The following RGL1 variants were observed in gnomAD, a reference collection of about 807,000 sequenced individuals.
RGL1 encodes ral guanine nucleotide dissociation stimulator-like 1.
In RGL1, 24 loss-of-function variants were observed where a neutral mutation model predicts 95.2. The observed-to-expected ratio is 0.25, with a 90% CI of 0.18 to 0.35. RGL1 has a LOEUF of 0.35. Ranked by LOEUF, RGL1 falls within the 10% of genes least tolerant of loss-of-function variation. The pLI, the probability that RGL1 is intolerant of heterozygous loss-of-function variation, is 1.00. For missense variants in RGL1, 715 were observed against 936.3 expected, an observed-to-expected ratio of 0.76 and a Z score of 3.08; for synonymous variants, 329 against 344.9, an observed-to-expected ratio of 0.95 and a Z score of 0.51.
At chr1:183,735,659 A>G (rs1255292519) in intron 1 of RGL1, among the ~76,000 whole-genome samples, 1 of 152,178 alleles carries the variant, frequency 6.6e-6, no homozygotes, top group Non-Finnish European at 1.5e-5. Context: ...CTCCTAGTAC[A>G]TTGACTCATA....
chr1:183,691,999 A>G (rs150726126), intron 1 of RGL1, among the ~76,000 whole-genome samples: 194 of 151,350 alleles, frequency 1.3e-3, no homozygotes, highest in African/African-American at 4.6e-3. Context: ...TATTTATTGA[A>G]TCTGGTAACA....
chr1:183,912,295 C>T (rs1046398203), intron 15 of RGL1, 27 bp downstream of exon 15: 1 of 1,588,348 alleles, frequency 6.3e-7, no homozygotes, highest in Admixed American at 1.7e-5. Context: ...TCTCATAATT[C>T]CTAATGCAGG....
intron 1 of RGL1, among the ~76,000 whole-genome samples, chr1:183,681,285 C>T (rs928213162): frequency 6.6e-6 from 1 of 152,160 alleles, no homozygotes; most frequent in African/African-American, 2.4e-5. Flanking sequence ...AGCTTTTGCC[C>T]ATTCAGTGTA....
chr1:183,793,994 T>C (rs1469113660), intron 2 of RGL1, among the ~76,000 whole-genome samples: 1 of 151,640 alleles, frequency 6.6e-6, no homozygotes, highest in Admixed American at 6.6e-5. Flanking sequence ...CTATTCATAA[T>C]AGCCACGATA....
intron 2 of RGL1, among the ~76,000 whole-genome samples, chr1:183,835,928 G>T (rs1030312996): frequency 6.6e-6 from 1 of 152,170 alleles, no homozygotes; most frequent in African/African-American, 2.4e-5. Context: ...ACCCAATACC[G>T]TATTGCTTTG....
rs12084697 is a variant in RGL1 at position 183,816,867 on chromosome 1, C to G, written c.138+10382C>G. 1.2e-3 allele frequency among the ~76,000 whole-genome samples: 178 copies of G among 152,266 alleles called. 4 individuals are homozygous for G. The East Asian group carries it at 0.024, about 20-fold the overall frequency. On this transcript the variant is annotated intron_variant, in intron 2 of 17. Coordinates refer to ENST00000360851, the MANE Select transcript of RGL1 (RefSeq NM_001297671.3). ...TCAGCTAGGAGGAGTGCTTCCTCTG[C>G]TACCACCGTTGTCCCCACTGGGATT...
chr1:183,641,495 T>A (rs1479306364), intron 1 of RGL1, among the ~76,000 whole-genome samples: 1 of 152,128 alleles, frequency 6.6e-6, no homozygotes, highest in African/African-American at 2.4e-5. Context: ...GGTCTTCAAC[T>A]CCTGGCCTCA....
At chr1:183,905,718 T>A (rs914387102) in intron 13 of RGL1, among the ~76,000 whole-genome samples, 1 of 152,152 alleles carries the variant, frequency 6.6e-6, no homozygotes, top group African/African-American at 2.4e-5. Context: ...GCTCAGCACG[T>A]CCCTGTCCTG....
In RGL1 at chr1:183,745,454, G is replaced by T. The variant is rs140230605; in HGVS notation, c.132+3165G>T. Among the ~76,000 whole-genome samples, 85 of 152,056 alleles carry T rather than the reference G, an allele frequency of 5.6e-4. 2 individuals are homozygous for T. In the East Asian group the frequency reaches 0.015, roughly 28 times the overall value. On this transcript the variant is annotated intron_variant, in intron 2 of 18. Coordinates refer to the RGL1 transcript ENST00000304685. ...CCTGTGTTTCCTAAAAGTTCTAAAA[G>T]TTCTAAATGTTTGCTTTTATTTGCT...
chr1:183,715,443 C>T (rs920084565), intron 1 of RGL1, among the ~76,000 whole-genome samples: 4 of 151,910 alleles, frequency 2.6e-5, no homozygotes, highest in African/African-American at 9.7e-5. Context: ...CGTCTGTCTC[C>T]CAGGATAGTG....
chr1:183,827,223 G>T (rs139928024), intron 2 of RGL1, among the ~76,000 whole-genome samples: 1 of 152,128 alleles, frequency 6.6e-6, no homozygotes, highest in Non-Finnish European at 1.5e-5. Flanking sequence ...GCATCCGGCC[G>T]TGTGCCAGTT....
intron 1 of RGL1, among the ~76,000 whole-genome samples, chr1:183,692,824 G>A (rs779364570): frequency 6.6e-6 from 1 of 152,074 alleles, no homozygotes; most frequent in Non-Finnish European, 1.5e-5. Context: ...AACTGTTCTG[G>A]ATCCTGATAG....
Position 183,805,251 on chromosome 1 carries a change from A to C in RGL1, c.-47A>C, listed in dbSNP as rs1455310537. On this transcript the variant is annotated 5_prime_UTR_variant, in exon 1 of 18. Coordinates refer to ENST00000360851, the MANE Select transcript of RGL1 (RefSeq NM_001297671.3). Reference sequence around the variant, plus strand: ...CCAGCAGACATTGCGTTGGCCTCCGAGCAGGGCGCATCATGCAGCGTTCGC... The same window carrying C: ...CCAGCAGACATTGCGTTGGCCTCCGCGCAGGGCGCATCATGCAGCGTTCGC... 1 of 1,606,776 alleles carries C rather than the reference A, an allele frequency of 6.2e-7. No individual in the cohort carries two copies. Among genetic ancestry groups the C allele is most frequent in the Non-Finnish European group, 8.5e-7 (1 of 1,177,274 alleles).
rs150116981 is a variant in RGL1 at position 183,742,027 on chromosome 1, G to T, written c.-32-99G>T. The stretch of plus-strand genomic sequence containing the variant: ...GCCTATTATGATACTGTCTTTAATG[G>T]TCTCACTAGTCAGAAGTCAAGCATG... On this transcript the variant is annotated intron_variant, in intron 1 of 18. Transcript: ENST00000304685. 577 of 851,514 alleles carry T rather than the reference G, an allele frequency of 6.8e-4. 2 individuals carry two copies. In the African/African-American group the frequency reaches 9.2e-3, roughly 14 times the overall value. The allele number at this position is 851,514 out of a possible 1,614,324, so 52.7% of individuals were successfully genotyped here.
chr1:183,853,052 T>C (rs1259394403), intron 3 of RGL1, among the ~76,000 whole-genome samples: 1 of 152,010 alleles, frequency 6.6e-6, no homozygotes, highest in Non-Finnish European at 1.5e-5. Flanking sequence ...TTAAGCAGAA[T>C]GAGCTGAGTG....
In RGL1 at chr1:183,805,268, A is replaced by G. The variant is rs1558216498; in HGVS notation, c.-30A>G. ...GGCCTCCGAGCAGGGCGCATCATGC[A>G]GCGTTCGCGCACCGGAGAGAAAACT... On this transcript the variant is annotated 5_prime_UTR_variant, in exon 1 of 18. Transcript: ENST00000360851. 2 of 1,610,388 alleles carry G rather than the reference A, an allele frequency of 1.2e-6. No homozygotes were observed. The highest frequency in any genetic ancestry group is 1.7e-6 in the Non-Finnish European group (2 of 1,178,906).
intron 2 of RGL1, among the ~76,000 whole-genome samples, chr1:183,782,046 C>T (rs1010766172): frequency 6.6e-6 from 1 of 152,184 alleles, no homozygotes; most frequent in African/African-American, 2.4e-5. Flanking sequence ...ATGTTCCTAT[C>T]TAGCTCTTAA....
upstream of RGL1, among the ~76,000 whole-genome samples, chr1:183,804,543 C>T (rs1222890460): frequency 6.6e-6 from 1 of 152,174 alleles, no homozygotes; most frequent in Non-Finnish European, 1.5e-5. Context: ...CACTGTCAGT[C>T]CTAGCAAAAC....
At chr1:183,841,273 T>C (rs150889825) in intron 2 of RGL1, among the ~76,000 whole-genome samples, 1 of 152,236 alleles carries the variant, frequency 6.6e-6, no homozygotes, top group East Asian at 1.9e-4. Flanking sequence ...AAATAACAAA[T>C]AGGTTTTTTT....
Sources: gnomAD v4.1 joint callset for allele counts (sites outside exome capture counted in the v4.1 genomes callset) on GRCh38, gnomAD v4.1.1 for gene constraint, MANE v1.5 for transcripts, NCBI Gene and HGNC (gene_info 2026-07-23, HGNC 2026-07-21) for gene names.